PTGR1: variants seen among roughly 807,000 people sequenced by gnomAD.
PTGR1 encodes prostaglandin reductase 1, also known as 15-oxoprostaglandin 13-reductase.
In PTGR1, 23 loss-of-function variants were observed where a neutral mutation model predicts 37.7. The observed-to-expected ratio is 0.61, with a 90% CI of 0.44 to 0.86. The LOEUF is 0.86. Among genes scored for constraint, PTGR1 ranks in the 40% least tolerant of loss-of-function variants. The pLI, the probability that PTGR1 is intolerant of heterozygous loss-of-function variation, is 0.00. For synonymous variants in PTGR1, 134 were observed against 140.0 expected, an observed-to-expected ratio of 0.96 and a Z score of 0.30; for missense variants, 351 against 394.3, an observed-to-expected ratio of 0.89 and a Z score of 0.93.
At chr9:111,552,652 C>T (rs576695798) in intron 9 of PTGR1, among the ~76,000 whole-genome samples, 4 of 152,212 alleles carry the variant, frequency 2.6e-5, no homozygotes, top group Middle Eastern at 3.4e-3. Context: ...TTACATGAAT[C>T]GACATTGTAA....
chr9:111,585,133 A>G (rs1410725883), intron 5 of PTGR1, among the ~76,000 whole-genome samples: 1 of 152,170 alleles, frequency 6.6e-6, no homozygotes, highest in Non-Finnish European at 1.5e-5. Context: ...AGAGGCTGGC[A>G]TTGAATAGAA....
At chr9:111,584,168 G>A (rs1307103091) in intron 5 of PTGR1, among the ~76,000 whole-genome samples, 3 of 152,240 alleles carry the variant, frequency 2.0e-5, no homozygotes, top group Admixed American at 6.5e-5. Context: ...ATGCAGCACT[G>A]GCAGTACTGA....
chr9:111,594,910 A>G (rs1829734982), intron 2 of PTGR1, among the ~76,000 whole-genome samples: 1 of 132,902 alleles, frequency 7.5e-6, no homozygotes, highest in African/African-American at 2.9e-5. Flanking sequence ...GCTGGAGTGC[A>G]GTGGCTTGAT....
chr9:111,561,110 T>TATATATATATAGAG (rs1457364862), downstream of PTGR1, among the ~76,000 whole-genome samples: 3 of 19,190 alleles, frequency 1.6e-4, no homozygotes, highest in African/African-American at 3.9e-4. Context: ...TATATATATA[T>TATATATATATAGAG]AGAGAGAGAG....
At chr9:111,592,623 G>A (rs1158927649) in intron 4 of PTGR1, 1 of 257,470 alleles carries the variant, frequency 3.9e-6, no homozygotes, top group Non-Finnish European at 7.3e-6. Flanking sequence ...AGAGAACCCT[G>A]TTGCATTGTG....
chr9:111,596,494 T>C (rs1328665298), intron 2 of PTGR1, among the ~76,000 whole-genome samples: 1 of 151,694 alleles, frequency 6.6e-6, no homozygotes, highest in Non-Finnish European at 1.5e-5. Flanking sequence ...CTCACGCCTG[T>C]AATCCCAGCA....
intron 9 of PTGR1, among the ~76,000 whole-genome samples, chr9:111,568,283 G>C (rs1045548289): frequency 6.6e-6 from 1 of 152,122 alleles, no homozygotes; most frequent in Non-Finnish European, 1.5e-5. Flanking sequence ...ATGCATTCCT[G>C]GGGGAGGTCT....
At chr9:111,594,878 C>G (rs1387520012) in intron 2 of PTGR1, among the ~76,000 whole-genome samples, 26 of 109,302 alleles carry the variant, frequency 2.4e-4, no homozygotes, top group East Asian at 9.3e-4. Context: ...TTTTTGAGAC[C>G]TAGTCTTGTT....
intron 8 of PTGR1, among the ~76,000 whole-genome samples, chr9:111,573,016 A>G (rs1165327287): frequency 6.6e-6 from 1 of 152,186 alleles, no homozygotes; most frequent in African/African-American, 2.4e-5. Flanking sequence ...GGAATATGTT[A>G]GAATTTCTGG....
At chr9:111,572,692 G>A (rs1329098146) in intron 8 of PTGR1, among the ~76,000 whole-genome samples, 6 of 148,648 alleles carry the variant, frequency 4.0e-5, no homozygotes, top group South Asian at 4.3e-4. Flanking sequence ...AGAAGGTGGA[G>A]GCTGCAGTGA....
chr9:111,585,800 G>C (rs1829410135), intron 5 of PTGR1, among the ~76,000 whole-genome samples, 198 bp downstream of exon 5: 1 of 152,112 alleles, frequency 6.6e-6, no homozygotes, highest in Non-Finnish European at 1.5e-5. Flanking sequence ...TATGTATATA[G>C]ACCACGTTTT....
rs1589308963 is a variant in PTGR1 at position 111,578,893 on chromosome 9, A to G, written c.554T>C (p.Leu185Pro). 1 of 1,613,166 alleles carries G rather than the reference A, an allele frequency of 6.2e-7. No homozygotes were observed. Among genetic ancestry groups the G allele is most frequent in the Non-Finnish European group, 8.5e-7 (1 of 1,179,684 alleles). ...GTAGTTAAAGACGACATCAAATCCA[A>G]GCTTTTGAAGGTAGGCAACCTTTTC... ...SDEKVAYLQKLGFDVVFNYKT... is the reference protein window; with the variant it reads ...SDEKVAYLQKPGFDVVFNYKT... The change falls in exon 7 of 10, where the codon CTT (leucine) becomes CCT (proline). Residue 185 changes from leucine to proline, a missense_variant. By Grantham distance (98) the Leu-to-Pro change is moderately conservative (BLOSUM62 -3). Coordinates refer to ENST00000407693, the MANE Select transcript of PTGR1 (RefSeq NM_001146108.2).
downstream of PTGR1, among the ~76,000 whole-genome samples, chr9:111,560,497 C>G (rs1395054918): frequency 6.8e-6 from 1 of 147,600 alleles, no homozygotes; most frequent in Non-Finnish European, 1.5e-5. Context: ...AAAGATCAGC[C>G]GGGCATGGTG....
At chr9:111,551,589 GC>G (rs1164082341) in intron 9 of PTGR1, among the ~76,000 whole-genome samples, 1 of 151,504 alleles carries the variant, frequency 6.6e-6, no homozygotes, top group African/African-American at 2.4e-5. Context: ...TTTAGTAGAG[GC>G]GGGGTTTCAC....
chr9:111,555,060 G>A (rs1428778157), intron 9 of PTGR1, among the ~76,000 whole-genome samples: 1 of 152,158 alleles, frequency 6.6e-6, no homozygotes, highest in Admixed American at 6.5e-5. Flanking sequence ...CATTACTGGC[G>A]AGCAGGCAGA....
chr9:111,580,179 A>G (rs1829236130), intron 6 of PTGR1, among the ~76,000 whole-genome samples: 1 of 152,144 alleles, frequency 6.6e-6, no homozygotes, highest in Non-Finnish European at 1.5e-5. Flanking sequence ...TATTAATGTT[A>G]GCCCATTTTT....
chr9:111,555,958 A>G (rs1828110031), intron 9 of PTGR1, among the ~76,000 whole-genome samples: 1 of 152,224 alleles, frequency 6.6e-6, no homozygotes, highest in African/African-American at 2.4e-5. Context: ...GCATTAACTC[A>G]AAAGTCCAAG....
chr9:111,599,009 A>G (rs1401406544), intron 1 of PTGR1, among the ~76,000 whole-genome samples: 1 of 151,826 alleles, frequency 6.6e-6, no homozygotes, highest in African/African-American at 2.4e-5. Context: ...CTATGAGTTC[A>G]ACTTCTTTAG....
At chr9:111,591,890 T>C (rs1216334800) in intron 4 of PTGR1, among the ~76,000 whole-genome samples, 1 of 152,218 alleles carries the variant, frequency 6.6e-6, no homozygotes, top group Non-Finnish European at 1.5e-5. Flanking sequence ...AATGCCAGGT[T>C]GGACTGCCAG....
Sources: gnomAD v4.1 joint callset for allele counts (sites outside exome capture counted in the v4.1 genomes callset) on GRCh38, gnomAD v4.1.1 for gene constraint, MANE v1.5 for transcripts, NCBI Gene and HGNC (gene_info 2026-07-23, HGNC 2026-07-21) for gene names.